PPP3CA: variants seen among roughly 807,000 people sequenced by gnomAD.
PPP3CA encodes the protein CAM-PRP catalytic subunit.
A neutral mutation model predicts 66.5 loss-of-function variants in PPP3CA; 14 were observed. That is an observed-to-expected ratio of 0.21 (90% CI 0.14 to 0.33). The LOEUF is 0.33. PPP3CA is among the 10% of genes least tolerant of loss of function. PPP3CA has a pLI of 1.00. For synonymous variants in PPP3CA, 232 were observed against 226.2 expected (o/e 1.03, Z -0.23); for missense variants, 317 against 639.5 (o/e 0.50, Z 5.44).
At chr4:101,201,351 A>C (rs1724961740) in intron 1 of PPP3CA, among the ~76,000 whole-genome samples, 1 of 152,154 alleles carries the variant, frequency 6.6e-6, no homozygotes. Context: ...CTGGTTGCAC[A>C]CTGAGAATTG....
At chr4:101,169,023 G>A (rs1399454519) in intron 2 of PPP3CA, among the ~76,000 whole-genome samples, 1 of 152,104 alleles carries the variant, frequency 6.6e-6, no homozygotes, top group African/African-American at 2.4e-5. Context: ...CAATAATAAA[G>A]CTACTTCATA....
chr4:101,134,375 A>T (rs1722546794), intron 2 of PPP3CA, among the ~76,000 whole-genome samples: 1 of 152,208 alleles, frequency 6.6e-6, no homozygotes, highest in African/African-American at 2.4e-5. Context: ...ATGTACAAGG[A>T]ACTTAAATTT....
At chr4:101,086,749 T>C (rs1391810366) in intron 6 of PPP3CA, among the ~76,000 whole-genome samples, 2 of 152,212 alleles carry the variant, frequency 1.3e-5, no homozygotes, top group Non-Finnish European at 2.9e-5. Context: ...TATCATGTTG[T>C]AGTGTAAATT....
chr4:101,345,356 G>C (rs962067764), intron 1 of PPP3CA, among the ~76,000 whole-genome samples: 2 of 152,178 alleles, frequency 1.3e-5, no homozygotes, highest in African/African-American at 2.4e-5. Flanking sequence ...GTGTATCATG[G>C]TCTTTGGGCT....
chr4:101,248,829 T>C lies in PPP3CA; in HGVS notation c.59-52713A>G, dbSNP rs567437972. Among the ~76,000 whole-genome samples, 3 of 152,330 alleles carry C rather than the reference T, an allele frequency of 2.0e-5. No individual in the cohort carries two copies. The East Asian group carries it at 5.8e-4, about 29-fold the overall frequency. On this transcript the variant is annotated intron_variant, in intron 1 of 13. Transcript: ENST00000394854. ...TCTGAACTGAATTATCTTAAAATCATCTGTCAGAGAATCTTAAGTGTTAAA... is the reference window on the plus strand; with the variant it reads ...TCTGAACTGAATTATCTTAAAATCACCTGTCAGAGAATCTTAAGTGTTAAA...
intron 1 of PPP3CA, among the ~76,000 whole-genome samples, chr4:101,315,973 C>G (rs1728872651): frequency 6.6e-6 from 1 of 152,018 alleles, no homozygotes; most frequent in Admixed American, 6.6e-5. Flanking sequence ...GAATCTTATC[C>G]TCAAGGTCTA....
intron 2 of PPP3CA, among the ~76,000 whole-genome samples, chr4:101,136,660 T>C (rs1029928224): frequency 6.6e-6 from 1 of 151,864 alleles, no homozygotes; most frequent in Non-Finnish European, 1.5e-5. Context: ...GCTTGTATGT[T>C]GGCAAGAAAA....
intron 1 of PPP3CA, among the ~76,000 whole-genome samples, chr4:101,309,098 A>G (rs1728637318): frequency 6.6e-6 from 1 of 152,112 alleles, no homozygotes; most frequent in Admixed American, 6.6e-5. Context: ...CTGCACTCCA[A>G]CCAGGGTGAA....
intron 2 of PPP3CA, among the ~76,000 whole-genome samples, chr4:101,186,937 A>G (rs1164210324): frequency 1.3e-5 from 2 of 152,158 alleles, no homozygotes; most frequent in Non-Finnish European, 2.9e-5. Flanking sequence ...ACAAAAATTT[A>G]CTACTCATTG....
At chr4:101,138,012 T>C (rs1324369955) in intron 2 of PPP3CA, among the ~76,000 whole-genome samples, 1 of 152,200 alleles carries the variant, frequency 6.6e-6, no homozygotes. Flanking sequence ...TGTATTTCCA[T>C]ATCTGTAAAA....
chr4:101,140,126 C>A (rs1046044599), intron 2 of PPP3CA, among the ~76,000 whole-genome samples: 1 of 152,062 alleles, frequency 6.6e-6, no homozygotes, highest in South Asian at 2.1e-4. Flanking sequence ...GAATAATTTA[C>A]ATAGCAATTT....
chr4:101,176,921 T>C (rs571526308), intron 2 of PPP3CA, among the ~76,000 whole-genome samples: 1 of 152,276 alleles, frequency 6.6e-6, no homozygotes, highest in Admixed American at 6.5e-5. Context: ...CTTTTTTCTA[T>C]AGCCACAACA....
intron 1 of PPP3CA, among the ~76,000 whole-genome samples, chr4:101,324,148 GGGAGGGAGGAAGGAAGGAAGGAA>G (rs1252241177): frequency 1.6e-5 from 2 of 126,076 alleles, no homozygotes; most frequent in African/African-American, 7.7e-5. Context: ...AGGGAAGGAA[GGGAGGGAGGAAGGAAGGAAGGAA>G]GGAAGGAAGG....
intron 2 of PPP3CA, among the ~76,000 whole-genome samples, chr4:101,110,874 A>G (rs911862270): frequency 6.6e-6 from 1 of 152,176 alleles, no homozygotes; most frequent in Non-Finnish European, 1.5e-5. Context: ...CCACAGCTAT[A>G]ATTGGAGCTG....
intron 1 of PPP3CA, among the ~76,000 whole-genome samples, chr4:101,247,264 C>T (rs1056502475): frequency 3.3e-5 from 5 of 151,832 alleles, no homozygotes; most frequent in African/African-American, 1.2e-4. Flanking sequence ...CGAGTTCAAG[C>T]AATTCTTCTG....
intron 1 of PPP3CA, among the ~76,000 whole-genome samples, chr4:101,273,916 A>C (rs1727410706): frequency 6.6e-6 from 1 of 152,156 alleles, no homozygotes; most frequent in South Asian, 2.1e-4. Flanking sequence ...ATTTAACTTA[A>C]ATTTTATAAT....
chr4:101,131,056 G>A (rs1487615449), intron 2 of PPP3CA, among the ~76,000 whole-genome samples: 1 of 151,958 alleles, frequency 6.6e-6, no homozygotes, highest in African/African-American at 2.4e-5. Flanking sequence ...GGCCAACCTG[G>A]TGAAACCCCG....
chr4:101,284,851 T>C lies in PPP3CA; in HGVS notation c.58+61888A>G, dbSNP rs1275602992. Among the ~76,000 whole-genome samples, 5 of 152,196 alleles carry C rather than the reference T, an allele frequency of 3.3e-5. No homozygotes were observed. The East Asian group carries it at 5.8e-4, about 18-fold the overall frequency. ...ATGTTCAAATATTCCACATGATTAG[T>C]CATCTGTACAGATTGGAATCTGGAT... is the stretch of plus-strand genomic sequence containing the variant. On this transcript the variant is annotated intron_variant, in intron 1 of 13. Transcript: ENST00000394854.
intron 1 of PPP3CA, among the ~76,000 whole-genome samples, chr4:101,312,747 C>T (rs1039976561): frequency 2.6e-5 from 4 of 151,958 alleles, no homozygotes; most frequent in Admixed American, 1.3e-4. Flanking sequence ...TAGATTAATA[C>T]AATAAGTGAC....
Sources: gnomAD v4.1 joint callset for allele counts (sites outside exome capture counted in the v4.1 genomes callset) on GRCh38, gnomAD v4.1.1 for gene constraint, MANE v1.5 for transcripts, NCBI Gene and HGNC (gene_info 2026-07-23, HGNC 2026-07-21) for gene names.